The following MZF1 variants were observed in gnomAD, a reference collection of about 807,000 sequenced individuals.
MZF1 encodes the protein myeloid zinc finger 1.
A neutral mutation model predicts 28.6 loss-of-function variants in MZF1; 24 were observed. That is an observed-to-expected ratio of 0.84 (90% CI 0.61 to 1.18). The LOEUF is 1.18. Ranked by LOEUF, MZF1 falls within the 50% of genes most tolerant of loss-of-function variation. The pLI is 0.00. For missense variants in MZF1, 1,166 were observed against 1,026.4 expected (o/e 1.14, Z -1.86); for synonymous variants, 516 against 432.5 (o/e 1.19, Z -2.40).
At chr19:58,567,581 G>A (rs1461093780) in intron 5 of MZF1, among the ~76,000 whole-genome samples, 1 of 152,234 alleles carries the variant, frequency 6.6e-6, no homozygotes, top group Admixed American at 6.5e-5. Context: ...CTTGGAGGAA[G>A]AGTGCCCCCA....
chr19:58,563,885 C>G, intron 5 of MZF1: 1 of 187,114 alleles, frequency 5.3e-6, no homozygotes, highest in Non-Finnish European at 1.1e-5. Context: ...AAAGAGGGTG[C>G]AGGCTCCTGG....
chr19:58,569,147 G>T, intron 5 of MZF1, 130 bp downstream of exon 5: 1 of 1,271,318 alleles, frequency 7.9e-7, no homozygotes, highest in Non-Finnish European at 1.1e-6. Flanking sequence ...TATAGGGGAT[G>T]ATCTAGGGAA....
At chr19:58,564,833 A>C (rs2054007544) in intron 5 of MZF1, among the ~76,000 whole-genome samples, 1 of 146,350 alleles carries the variant, frequency 6.8e-6, no homozygotes, top group South Asian at 2.2e-4. Flanking sequence ...GCTGCTGTGT[A>C]CTTAAGTTGG....
In MZF1 at chr19:58,571,375, C is replaced by T; in HGVS notation, c.15G>A (p.Val5=). 3 of 1,614,138 alleles carry T rather than the reference C, an allele frequency of 1.9e-6. No homozygotes were observed. Among genetic ancestry groups the T allele is most frequent in the Non-Finnish European group, 2.5e-6 (3 of 1,180,032 alleles). Residue 5 remains valine, a synonymous_variant, in exon 2 of 6, where the codon GTG becomes GTA. Transcript: ENST00000215057. ...GGGGTGCTCGGTCTGGGGAGCCCAG[C>T]ACCGCAGGCCTCATAGAGGGTACCA... MRPA[V]LGSPDRAPPE...
Position 58,562,626 on chromosome 19 carries a change from G to T in MZF1, c.1651C>A (p.Arg551=). 1 of 1,565,928 alleles carries T rather than the reference G, an allele frequency of 6.4e-7. No homozygotes were observed. ...TGCTGCGTCAGGTTGGAGCGCTGCC[G>T]GAAGCTCTGGCCGCACTCGGCACAG... ...FACAECGQSF[R]QRSNLTQHRR... The change falls in exon 6 of 6, where the codon CGG becomes AGG. Residue 551 remains arginine, a synonymous_variant. Transcript: ENST00000215057.
rs756827802 is a variant in MZF1 at position 58,562,224 on chromosome 19, C to T, written c.2053G>A (p.Glu685Lys). The change falls in exon 6 of 6, where the codon GAG (glutamate) becomes AAG (lysine). Residue 685 changes from glutamate (E) to lysine (K), a missense_variant. Transcript: ENST00000215057. ...HTGERPYACP[E>K]CGKAFRQRPT... is the part of the protein sequence containing the mutation. ...CGCTGGCGGAAGGCCTTGCCACACT[C>T]AGGGCATGCGTAGGGCCGTTCACCC... The T allele has an allele frequency of 9.3e-6, 15 of 1,608,528 alleles. No homozygotes were observed. The highest frequency in any genetic ancestry group is 5.4e-5 in the African/African-American group (4 of 74,604).
intron 5 of MZF1, chr19:58,564,690 T>G (rs1225166958): frequency 6.6e-6 from 1 of 152,266 alleles, no homozygotes; most frequent in East Asian, 1.9e-4. Flanking sequence ...TTCAAGTAAT[T>G]CAATTTTTAG....
rs147818011 is a variant in MZF1, at chr19:58,562,434, G to A, written c.1843C>T (p.His615Tyr). The part of the protein sequence containing the change: ...RFSQRLKLTR[H>Y]QRTHTGEKPY... ...TTTTCGCCGGTGTGTGTCCTCTGAT[G>A]ACGCGTGAGCTTGAGGCGCTGGCTG... The change falls in exon 6 of 6, where the codon CAT becomes TAT. Residue 615 changes from histidine (H) to tyrosine (Y), a missense_variant. His to Tyr is a moderately conservative substitution (Grantham distance 83, BLOSUM62 2). Transcript: ENST00000215057. 2,834 of 1,611,600 alleles carry A rather than the reference G, an allele frequency of 1.8e-3. 5 individuals are homozygous for A. The highest frequency in any genetic ancestry group is 2.3e-3 in the Non-Finnish European group (2,722 of 1,179,296).
Position 58,562,958 on chromosome 19 carries a change from A to G in MZF1, c.1319T>C (p.Phe440Ser). ...GCTCTGGCCGCACTCAGCGCAACGG[A>G]AAGGCTGTTCGCCCGTGTGCACTCT... ...HRRVHTGEQP[F>S]RCAECGQSFR... The change falls in exon 6 of 6, where the codon TTC becomes TCC. Residue 440 changes from phenylalanine to serine, a missense_variant. Phe to Ser is a radical substitution (Grantham distance 155). Transcript: ENST00000215057. 3.7e-6 allele frequency: 6 copies of G among 1,600,414 alleles called. No homozygotes were observed. Among genetic ancestry groups the G allele is most frequent in the Non-Finnish European group, 5.1e-6 (6 of 1,178,586 alleles).
chr19:58,571,299 C>T lies in MZF1; in HGVS notation c.91G>A (p.Gly31Ser), dbSNP rs765105254. 1 of 1,614,126 alleles carries T rather than the reference C, an allele frequency of 6.2e-7. No homozygotes were observed. The highest frequency in any genetic ancestry group is 8.5e-7 in the Non-Finnish European group (1 of 1,180,008). Residue 31 changes from glycine to serine, a missense_variant, in exon 2 of 6, where the codon GGT becomes AGT. Coordinates refer to ENST00000215057, the MANE Select transcript of MZF1 (RefSeq NM_198055.2). ...MVKLEDSEEE[G>S]EAALWDPGPE... ...CCTGGGTCCCATAAGGCAGCCTCAC[C>T]CTCCTCCTCAGAGTCCTCTAGCTTC...
intron 5 of MZF1, chr19:58,568,528 T>C (rs1429607795): frequency 1.3e-5 from 2 of 151,940 alleles, no homozygotes; most frequent in African/African-American, 4.8e-5. Flanking sequence ...TCACCAACAA[T>C]AGTGATAAAA....
chr19:58,562,077 C>T lies in MZF1; in HGVS notation c.2200G>A (p.Glu734Lys), dbSNP rs377592261. 8 of 1,557,884 alleles carry T rather than the reference C, an allele frequency of 5.1e-6. No individual in the cohort carries two copies. In the African/African-American group the frequency reaches 5.4e-5, roughly 11 times the overall value. The change falls in exon 6 of 6, where the codon GAG becomes AAG. Residue 734 changes from glutamate to lysine, a missense_variant. Physicochemically the swap from Glu to Lys is moderately conservative, Grantham distance 56. Transcript: ENST00000215057. ...LIQHQRVHSA[E>K] ...ACAGTGCGTCCCGGCTGGAGCTACT[C>T]GGCGCTGTGGACGCGCTGGTGCTGA...
At chr19:58,572,538 A>G (rs1568688414) in intron 1 of MZF1, 1 of 1,288,706 alleles carries the variant, frequency 7.8e-7, no homozygotes, top group East Asian at 5.6e-5. Context: ...CCCATTTGCA[A>G]GTGGGGCTGA....
intron 3 of MZF1, chr19:58,570,011 G>T: frequency 6.3e-6 from 2 of 317,764 alleles, no homozygotes; most frequent in Non-Finnish European, 1.2e-5. Context: ...CCTGCTGTCT[G>T]TTCCCCAGTG....
intron 5 of MZF1, among the ~76,000 whole-genome samples, chr19:58,564,883 A>G: frequency 6.9e-6 from 1 of 144,084 alleles, no homozygotes; most frequent in Non-Finnish European, 1.5e-5. Flanking sequence ...CAGGGTGGAG[A>G]ATAAGCATCC....
intron 1 of MZF1, among the ~76,000 whole-genome samples, chr19:58,572,161 C>A (rs571600866): frequency 1.3e-5 from 2 of 152,234 alleles, no homozygotes; most frequent in South Asian, 4.1e-4. Flanking sequence ...GCCCTTACTT[C>A]ACCTTCTATT....
At position 58,562,447 on chromosome 19, in the gene MZF1, G is replaced by C. The variant is rs746201492; in HGVS notation, c.1830C>G (p.Leu610=). The C allele has an allele frequency of 6.2e-7, 1 of 1,611,678 alleles. No homozygotes were observed. Residue 610 remains leucine, a synonymous_variant, in exon 6 of 6, where the codon CTC becomes CTG. Transcript: ENST00000215057. ...GTGTCCTCTGATGACGCGTGAGCTT[G>C]AGGCGCTGGCTGAAGCGCTGGCCAC... ...PECGQRFSQR[L]KLTRHQRTHT... is the part of the protein sequence containing the mutation.
In MZF1 at chr19:58,563,129, G is replaced by A. The variant is rs554541283; in HGVS notation, c.1148C>T (p.Pro383Leu). 1 of 1,608,188 alleles carries A rather than the reference G, an allele frequency of 6.2e-7. No homozygotes were observed. The highest frequency in any genetic ancestry group is 1.1e-5 in the South Asian group (1 of 91,032). ...GCGGCCGCACTCGCTGCACACGAAT[G>A]GTCGCTCACCCGTGTGGATCTTCTG... is the stretch of plus-strand genomic sequence containing the variant. ...RHQKIHTGER[P>L]FVCSECGRSF... The change falls in exon 6 of 6, where the codon CCA (proline) becomes CTA (leucine). Residue 383 changes from proline to leucine, a missense_variant. Transcript: ENST00000215057.
rs374564603 is a variant in MZF1 at position 58,562,233 on chromosome 19, C to T, written c.2044G>A (p.Ala682Thr). The part of the protein sequence containing the change: ...RRIHTGERPY[A>T]CPECGKAFRQ... ...AAGGCCTTGCCACACTCAGGGCATG[C>T]GTAGGGCCGTTCACCCGTGTGGATG... The change falls in exon 6 of 6, where the codon GCA becomes ACA. Residue 682 changes from alanine to threonine, a missense_variant. Transcript: ENST00000215057. 5 of 1,608,016 alleles carry T rather than the reference C, an allele frequency of 3.1e-6. No homozygotes were observed. The highest frequency in any genetic ancestry group is 1.3e-5 in the African/African-American group (1 of 74,444).
Sources: allele counts gnomAD v4.1 joint callset (sites outside exome capture counted in the v4.1 genomes callset), GRCh38; gene constraint gnomAD v4.1.1; transcripts MANE v1.5; gene names NCBI Gene and HGNC (gene_info 2026-07-23, HGNC 2026-07-21).